Variants in DCDC1 observed in about 807,000 individuals in gnomAD.
The protein encoded by DCDC1 is doublecortin domain containing 1.
In DCDC1, 200 loss-of-function variants were observed where a neutral mutation model predicts 178.3. That is an observed-to-expected ratio of 1.12 (90% CI 1.00 to 1.26). The LOEUF (loss-of-function observed/expected upper bound fraction) is 1.26. Ranked by LOEUF, DCDC1 falls within the 50% of genes most tolerant of loss-of-function variation. The probability of loss-of-function intolerance (pLI) is 0.00; values close to 1 mark genes in which losing one functional copy is unlikely to be tolerated. For missense variants in DCDC1, 1,983 were observed against 1,749.2 expected (o/e 1.13, Z -2.38); for synonymous variants, 690 against 604.8 (o/e 1.14, Z -2.07).
At chr11:31,208,170 C>A (rs887184916) in intron 9 of DCDC1, among the ~76,000 whole-genome samples, 3 of 152,124 alleles carry the variant, frequency 2.0e-5, no homozygotes, top group African/African-American at 7.2e-5. Context: ...GTATCTCTTA[C>A]CCAGATCTCA....
At position 30,920,780 on chromosome 11, in the gene DCDC1, T is replaced by G; in HGVS notation, c.3289A>C (p.Ile1097Leu). 6.2e-7 allele frequency: 1 copy of G among 1,613,416 alleles called. No individual in the cohort carries two copies. The highest frequency in any genetic ancestry group is 8.5e-7 in the Non-Finnish European group (1 of 1,179,640). Reference protein sequence around the residue: ...PLTTENASSEILDSHVRAHLR... With the variant: ...PLTTENASSELLDSHVRAHLR... ...CAGGCTACACTGATTACTTACAGAA[T>G]TTCACTGGAAGCATTTTCCGTTGTT... The change falls in exon 25 of 39, where the codon ATT becomes CTT. Residue 1097 changes from isoleucine (I) to leucine (L), a missense_variant. Ile to Leu is a conservative substitution (Grantham distance 5). Coordinates refer to ENST00000684477, the MANE Select transcript of DCDC1 (RefSeq NM_001387274.1).
chr11:31,344,474 T>A (rs1950714344), intron 1 of DCDC1, among the ~76,000 whole-genome samples: 1 of 152,236 alleles, frequency 6.6e-6, no homozygotes, highest in Non-Finnish European at 1.5e-5. Flanking sequence ...GTGACTGGGT[T>A]TGCCTCCCTG....
chr11:31,327,687 A>C (rs1232197059), intron 3 of DCDC1, among the ~76,000 whole-genome samples: 4 of 152,126 alleles, frequency 2.6e-5, no homozygotes, highest in Non-Finnish European at 5.9e-5. Flanking sequence ...AACAACCTCC[A>C]TAACTCAACA....
chr11:31,239,610 G>A (rs1181310876), intron 9 of DCDC1, among the ~76,000 whole-genome samples: 2 of 151,830 alleles, frequency 1.3e-5, no homozygotes, highest in East Asian at 1.9e-4. Flanking sequence ...TGAATGTAAA[G>A]CTATGAATTA....
At chr11:31,237,147 G>C (rs1976563603) in intron 9 of DCDC1, among the ~76,000 whole-genome samples, 2 of 151,856 alleles carry the variant, frequency 1.3e-5, no homozygotes, top group Admixed American at 1.3e-4. Context: ...ACTATTGTTT[G>C]ATACCTAATT....
chr11:31,102,078 GAAAAA>G, intron 15 of DCDC1, 94 bp downstream of exon 15: 1 of 383,726 alleles, frequency 2.6e-6, no homozygotes. Context: ...CTCCATCTCA[GAAAAA>G]AAAAAAAAAA....
At chr11:31,343,865 A>G (rs1950678692) in intron 1 of DCDC1, among the ~76,000 whole-genome samples, 1 of 152,116 alleles carries the variant, frequency 6.6e-6, no homozygotes, top group South Asian at 2.1e-4. Context: ...AATTGCAGTG[A>G]GCCGAGATCA....
chr11:30,865,302 G>A lies in DCDC1; in HGVS notation c.*71C>T, dbSNP rs540789144. ...ATTGGCCTTCTTGTCACAGTCTTCT[G>A]TTTATAAGTGGGTAAAGAAAGTTTT... On this transcript the variant is annotated 3_prime_UTR_variant, in exon 39 of 39. Transcript: ENST00000684477. The A allele has an allele frequency of 6.6e-6, 1 of 152,126 alleles. No individual in the cohort carries two copies. The highest frequency in any genetic ancestry group is 1.5e-5 in the Non-Finnish European group (1 of 68,028). The allele number at this position is 152,126 out of a possible 1,614,324, so 9.4% of individuals were successfully genotyped here.
At chr11:31,362,858 C>T (rs1951780583) in intron 1 of DCDC1, among the ~76,000 whole-genome samples, 1 of 152,110 alleles carries the variant, frequency 6.6e-6, no homozygotes, top group South Asian at 2.1e-4. Context: ...CTTTAGCATA[C>T]AAGACCTGTT....
At chr11:31,080,716 T>C (rs1957118825) in intron 17 of DCDC1, among the ~76,000 whole-genome samples, 1 of 152,194 alleles carries the variant, frequency 6.6e-6, no homozygotes, top group Admixed American at 6.5e-5. Flanking sequence ...TGTAATGCTT[T>C]GATAGAAATG....
At chr11:31,027,216 T>G (rs1181834484) in intron 20 of DCDC1, among the ~76,000 whole-genome samples, 3 of 151,836 alleles carry the variant, frequency 2.0e-5, no homozygotes, top group Non-Finnish European at 3.0e-5. Flanking sequence ...TTCATGTGCT[T>G]AAGGTCCAAT....
intron 25 of DCDC1, among the ~76,000 whole-genome samples, chr11:30,919,780 T>A (rs1395017069): frequency 6.6e-6 from 1 of 152,232 alleles, no homozygotes; most frequent in Non-Finnish European, 1.5e-5. Context: ...ATATATAAAT[T>A]AGTTTCACAA....
chr11:31,026,655 T>C (rs1953258015), intron 20 of DCDC1, among the ~76,000 whole-genome samples: 1 of 151,836 alleles, frequency 6.6e-6, no homozygotes, highest in Admixed American at 6.6e-5. Context: ...ATAACTACTT[T>C]GATGCGCTTT....
chr11:31,358,970 T>A (rs1951551827), intron 1 of DCDC1, among the ~76,000 whole-genome samples: 1 of 152,168 alleles, frequency 6.6e-6, no homozygotes, highest in Non-Finnish European at 1.5e-5. Flanking sequence ...ATAGGAACAC[T>A]ATTACACTGT....
At chr11:30,867,565 G>C (rs1052940000) in intron 38 of DCDC1, among the ~76,000 whole-genome samples, 1 of 152,168 alleles carries the variant, frequency 6.6e-6, no homozygotes, top group Non-Finnish European at 1.5e-5. Context: ...TCCCAAGACT[G>C]CAGGAAGGTA....
chr11:31,143,459 T>C (rs1177673360), intron 9 of DCDC1, among the ~76,000 whole-genome samples: 5 of 152,088 alleles, frequency 3.3e-5, no homozygotes, highest in Admixed American at 6.6e-5. Flanking sequence ...GCTGAAGTAG[T>C]AGAAGGAATG....
intron 9 of DCDC1, among the ~76,000 whole-genome samples, chr11:31,238,045 T>G (rs1423755411): frequency 1.3e-5 from 2 of 152,030 alleles, no homozygotes; most frequent in Non-Finnish European, 2.9e-5. Context: ...TGAACAGCTT[T>G]AAATGATTAA....
chr11:31,271,109 T>G (rs1945516658), intron 7 of DCDC1, among the ~76,000 whole-genome samples: 1 of 152,100 alleles, frequency 6.6e-6, no homozygotes, highest in African/African-American at 2.4e-5. Context: ...CTTCCCTAAT[T>G]GCCTCTTCAT....
chr11:31,356,599 A>G (rs1951381237), intron 1 of DCDC1, among the ~76,000 whole-genome samples: 1 of 151,160 alleles, frequency 6.6e-6, no homozygotes, highest in African/African-American at 2.4e-5. Flanking sequence ...AGCAGAACTG[A>G]AGGAAATAGA....
Sources: allele counts gnomAD v4.1 joint callset (sites outside exome capture counted in the v4.1 genomes callset), GRCh38; gene constraint gnomAD v4.1.1; transcripts MANE v1.5; gene names NCBI Gene and HGNC (gene_info 2026-07-23, HGNC 2026-07-21).